ZNF805: variants seen among roughly 807,000 people sequenced by gnomAD.
ZNF805 encodes the protein CTC-444N24.8.
ZNF805 carries 7 observed loss-of-function variants against 13.6 expected under a neutral mutation model. The observed-to-expected ratio is 0.51, with a 90% CI of 0.29 to 0.97. ZNF805 has a LOEUF of 0.97. Ranked by LOEUF, ZNF805 falls within the 50% of genes least tolerant of loss-of-function variation. The probability of loss-of-function intolerance (pLI) is 0.08; values close to 1 mark genes in which losing one functional copy is unlikely to be tolerated. For missense variants in ZNF805, 604 were observed against 771.0 expected, an observed-to-expected ratio of 0.78 and a Z score of 2.57; for synonymous variants, 293 against 279.8, an observed-to-expected ratio of 1.05 and a Z score of -0.47.
In ZNF805 at chr19:57,258,626, C is replaced by CTTCCG. The variant is rs71186240; in HGVS notation, c.*3925_*3926insCCGTT. On this transcript the variant is annotated 3_prime_UTR_variant, in exon 4 of 4. Coordinates refer to ENST00000414468, the MANE Select transcript of ZNF805 (RefSeq NM_001023563.4). ...AGCACTTTGATGTATAGAAACCTTACTTGGTCCCTTCACCTTGCCTGTTAA... is the reference window on the plus strand; with the variant it reads ...AGCACTTTGATGTATAGAAACCTTACTTCCGTTGGTCCCTTCACCTTGCCTGTTAA... Among the ~76,000 whole-genome samples, 1 of 151,288 alleles carries CTTCCG rather than the reference C, an allele frequency of 6.6e-6. No homozygotes were observed. Among genetic ancestry groups the CTTCCG allele is most frequent in the Non-Finnish European group, 1.5e-5 (1 of 67,696 alleles).
rs2087623176 is a variant in ZNF805 at position 57,247,001 on chromosome 19, T to G, written c.158-1604T>G. Among the ~76,000 whole-genome samples the G allele has an allele frequency of 2.6e-5, 4 of 151,192 alleles. No individual in the cohort carries two copies. The South Asian group carries it at 8.3e-4, about 32-fold the overall frequency. ...ATTTTATGAAGCTATCACTGAATGT[T>G]TTTGTGTAGAAAAAATTCTTCTCTT... On this transcript the variant is annotated intron_variant, in intron 2 of 3. Coordinates refer to ENST00000414468, the MANE Select transcript of ZNF805 (RefSeq NM_001023563.4).
At chr19:57,245,567 CAGG>C (rs1050599259) in intron 2 of ZNF805, among the ~76,000 whole-genome samples, 4 of 150,286 alleles carry the variant, frequency 2.7e-5, no homozygotes, top group Admixed American at 2.7e-4. Flanking sequence ...ATCACAAGGT[CAGG>C]AGATAGAGAC....
In ZNF805 at chr19:57,256,719, A is replaced by T. The variant is rs1210577131; in HGVS notation, c.*2016A>T. ...TATTATTGTCAGTCTTTGTAGACATATGTCAATTTCATTGATCATTTCAAA... is the reference window on the plus strand; with the variant it reads ...TATTATTGTCAGTCTTTGTAGACATTTGTCAATTTCATTGATCATTTCAAA... On this transcript the variant is annotated 3_prime_UTR_variant, in exon 4 of 4. Coordinates refer to ENST00000414468, the MANE Select transcript of ZNF805 (RefSeq NM_001023563.4). 6.6e-6 allele frequency among the ~76,000 whole-genome samples: 1 copy of T among 152,124 alleles called. No individual in the cohort carries two copies.
intron 2 of ZNF805, among the ~76,000 whole-genome samples, chr19:57,245,695 C>G (rs975117989): frequency 1.3e-5 from 2 of 151,316 alleles, no homozygotes; most frequent in East Asian, 2.0e-4. Flanking sequence ...AGGAGAATGG[C>G]GTGAACCCAG....
chr19:57,242,914 A>G (rs1004283598), intron 1 of ZNF805, among the ~76,000 whole-genome samples: 3 of 152,202 alleles, frequency 2.0e-5, no homozygotes, highest in African/African-American at 7.2e-5. Context: ...TTATATATAA[A>G]TCATGCTTAT....
chr19:57,241,965 T>C (rs2087582666), intron 1 of ZNF805, among the ~76,000 whole-genome samples: 1 of 152,234 alleles, frequency 6.6e-6, no homozygotes, highest in Non-Finnish European at 1.5e-5. Flanking sequence ...GTTGAGGTCT[T>C]AAAGGATTTT....
chr19:57,252,262 G>A lies in ZNF805; in HGVS notation c.254-811G>A, dbSNP rs545627955. On this transcript the variant is annotated intron_variant, in intron 3 of 3. Transcript: ENST00000414468. ...TCTACCCAGGATTAGCCAAACTCAA[G>A]ATAAGGACACAGTCCTCCAGGACTT... Among the ~76,000 whole-genome samples, 22 of 152,234 alleles carry A rather than the reference G, an allele frequency of 1.4e-4. No homozygotes were observed. The East Asian group carries it at 2.1e-3, about 15-fold the overall frequency.
At chr19:57,246,310 A>T (rs907626853) in intron 2 of ZNF805, among the ~76,000 whole-genome samples, 2 of 152,146 alleles carry the variant, frequency 1.3e-5, no homozygotes, top group African/African-American at 4.8e-5. Context: ...AGTAGCTAGG[A>T]TTACAGGCAG....
intron 3 of ZNF805, among the ~76,000 whole-genome samples, chr19:57,251,686 T>C (rs1240948136): frequency 6.6e-6 from 1 of 152,246 alleles, no homozygotes; most frequent in Non-Finnish European, 1.5e-5. Context: ...AAATGTTGCT[T>C]TACCCTAATG....
At chr19:57,245,955 A>T (rs180727093) in intron 2 of ZNF805, among the ~76,000 whole-genome samples, 197 of 152,304 alleles carry the variant, frequency 1.3e-3, no homozygotes, top group African/African-American at 3.9e-3. Context: ...TTTTTCAGAG[A>T]GTGCTTGGAC....
At chr19:57,249,088 T>C (rs866022521) in intron 3 of ZNF805, among the ~76,000 whole-genome samples, 50 of 152,262 alleles carry the variant, frequency 3.3e-4, no homozygotes, top group African/African-American at 1.2e-3. Flanking sequence ...TACCAAGGTC[T>C]GTGTGGGTCA....
intron 2 of ZNF805, among the ~76,000 whole-genome samples, chr19:57,247,101 A>G (rs2087624131): frequency 6.6e-6 from 1 of 150,802 alleles, no homozygotes; most frequent in Non-Finnish European, 1.5e-5. Flanking sequence ...GTGCAAGATC[A>G]TAGCTCACTG....
In ZNF805 at chr19:57,262,074, A is replaced by G. The variant is rs763025834; in HGVS notation, c.*7371A>G. ...AAGAACAGGAGGTGTTCAGCGTAAG[A>G]CAATTTAGGCACACGGAGCTACTTC... On this transcript the variant is annotated 3_prime_UTR_variant, in exon 4 of 4. Coordinates refer to ENST00000414468, the MANE Select transcript of ZNF805 (RefSeq NM_001023563.4). The G allele has an allele frequency of 1.2e-5, 2 of 166,730 alleles. No homozygotes were observed. Among genetic ancestry groups the G allele is most frequent in the Admixed American group, 6.5e-5 (1 of 15,302 alleles). The allele number at this position is 166,730 out of a possible 1,614,324, so 10.3% of individuals were successfully genotyped here. A position where few individuals can be genotyped will look rare whatever the true frequency, so the allele number is the denominator to read the frequency against.
intron 2 of ZNF805, among the ~76,000 whole-genome samples, chr19:57,246,773 T>TAA (rs2087621275): frequency 1.0e-5 from 1 of 99,878 alleles, no homozygotes; most frequent in African/African-American, 4.7e-5. Flanking sequence ...AGACTTCGTC[T>TAA]CAAAAAAAAA....
Position 57,258,267 on chromosome 19 carries a change from T to C in ZNF805, c.*3564T>C, listed in dbSNP as rs1472301652. On this transcript the variant is annotated 3_prime_UTR_variant, in exon 4 of 4. Transcript: ENST00000414468. Reference sequence around the variant, plus strand: ...ATCTGCCCACCTCAGCCTCCCAAAGTGCTGGGATTACAGGTATGTGTCACT... The same window carrying C: ...ATCTGCCCACCTCAGCCTCCCAAAGCGCTGGGATTACAGGTATGTGTCACT... Among the ~76,000 whole-genome samples, 1 of 152,056 alleles carries C rather than the reference T, an allele frequency of 6.6e-6. No homozygotes were observed. The highest frequency in any genetic ancestry group is 1.5e-5 in the Non-Finnish European group (1 of 68,016).
At chr19:57,245,670 T>G (rs896588343) in intron 2 of ZNF805, among the ~76,000 whole-genome samples, 1 of 150,760 alleles carries the variant, frequency 6.6e-6, no homozygotes, top group East Asian at 2.0e-4. Context: ...TCCCAGCTAC[T>G]CGGGAGGCTG....
Position 57,261,858 on chromosome 19 carries a change from A to G in ZNF805, c.*7155A>G, listed in dbSNP as rs1008661715. On this transcript the variant is annotated 3_prime_UTR_variant, in exon 4 of 4. Transcript: ENST00000414468. ...AAACTCAGCAAAAGGCTCAAACCCA[A>G]GTCCAGAGGAAACCAGGCACAATCT... 6.0e-6 allele frequency: 1 copy of G among 167,054 alleles called. No homozygotes were observed. The highest frequency in any genetic ancestry group is 2.4e-5 in the African/African-American group (1 of 41,446). The allele number at this position is 167,054 out of a possible 1,614,324, so 10.3% of individuals were successfully genotyped here. A position where few individuals can be genotyped will look rare whatever the true frequency, so the allele number is the denominator to read the frequency against.
At position 57,258,603 on chromosome 19, in the gene ZNF805, C is replaced by T. The variant is rs1427793928; in HGVS notation, c.*3900C>T. Among the ~76,000 whole-genome samples the T allele has an allele frequency of 7.0e-6, 1 of 143,562 alleles. No individual in the cohort carries two copies. Among genetic ancestry groups the T allele is most frequent in the Non-Finnish European group, 1.6e-5 (1 of 64,448 alleles). 94.2% of individuals were successfully genotyped at this position (143,562 alleles called of 152,430 possible). A position where few individuals can be genotyped will look rare whatever the true frequency, so the allele number is the denominator to read the frequency against. The stretch of plus-strand genomic sequence containing the variant: ...ACAGTTAATGGTATGAAAAATTTAG[C>T]ACTTTGATGTATAGAAACCTTACTT... On this transcript the variant is annotated 3_prime_UTR_variant, in exon 4 of 4. Coordinates refer to ENST00000414468, the MANE Select transcript of ZNF805 (RefSeq NM_001023563.4).
rs1484373905 is a variant in ZNF805, at chr19:57,255,808, T to C, written c.*1105T>C. ...GGACAGTTTTATTTCTTGCTTCCCATCTGTATACCTTTTATTTGCTTTTCT... is the reference window on the plus strand; with the variant it reads ...GGACAGTTTTATTTCTTGCTTCCCACCTGTATACCTTTTATTTGCTTTTCT... On this transcript the variant is annotated 3_prime_UTR_variant, in exon 4 of 4. Transcript: ENST00000414468. Among the ~76,000 whole-genome samples, 1 of 152,168 alleles carries C rather than the reference T, an allele frequency of 6.6e-6. No individual in the cohort carries two copies. Among genetic ancestry groups the C allele is most frequent in the East Asian group, 1.9e-4 (1 of 5,202 alleles).
Sources: allele counts gnomAD v4.1 joint callset (sites outside exome capture counted in the v4.1 genomes callset), GRCh38; gene constraint gnomAD v4.1.1; transcripts MANE v1.5; gene names NCBI Gene and HGNC (gene_info 2026-07-23, HGNC 2026-07-21).